The following BACH2 variants were observed in gnomAD, a reference collection of about 807,000 sequenced individuals.
The protein encoded by BACH2 is BACH transcriptional regulator 2, also known as transcription regulator protein BACH2.
Under a neutral mutation model 61.8 loss-of-function variants are expected in BACH2, and 5 were observed. The ratio of observed to expected loss-of-function variants is 0.08; its 90% confidence interval spans 0.04 to 0.17. The LOEUF is 0.17. Among genes scored for constraint, BACH2 ranks in the 10% least tolerant of loss-of-function variants. BACH2 has a pLI of 1.00. For missense variants in BACH2, 824 were observed against 1,091.1 expected, an observed-to-expected ratio of 0.76 and a Z score of 3.45; for synonymous variants, 446 against 440.1, an observed-to-expected ratio of 1.01 and a Z score of -0.17.
intron 5 of BACH2, among the ~76,000 whole-genome samples, chr6:90,041,377 T>A (rs979701872): frequency 6.6e-6 from 1 of 151,840 alleles, no homozygotes; most frequent in Admixed American, 6.6e-5. Context: ...TGAAAATAGA[T>A]GTTGAATTAC....
At chr6:90,063,282 T>TGA (rs1163275808) in intron 5 of BACH2, among the ~76,000 whole-genome samples, 1 of 152,216 alleles carries the variant, frequency 6.6e-6, no homozygotes, top group Non-Finnish European at 1.5e-5. Flanking sequence ...GGTGTGTGTG[T>TGA]GACAGAGATT....
At chr6:90,223,532 G>C (rs966576055) in intron 3 of BACH2, among the ~76,000 whole-genome samples, 3 of 152,094 alleles carry the variant, frequency 2.0e-5, no homozygotes, top group Non-Finnish European at 4.4e-5. Flanking sequence ...GCAGTGGCGT[G>C]ATCTCAGCTC....
At chr6:90,222,439 T>C (rs978997000) in intron 3 of BACH2, among the ~76,000 whole-genome samples, 3 of 152,170 alleles carry the variant, frequency 2.0e-5, no homozygotes, top group Non-Finnish European at 2.9e-5. Context: ...AGAAGATACT[T>C]GTAAAAGGAA....
chr6:90,251,705 A>G (rs1770816587), intron 3 of BACH2, among the ~76,000 whole-genome samples: 1 of 152,192 alleles, frequency 6.6e-6, no homozygotes, highest in Non-Finnish European at 1.5e-5. Context: ...TGAAGATGCA[A>G]CTTTCCCCTC....
chr6:90,172,124 G>C (rs1421722939), intron 4 of BACH2, among the ~76,000 whole-genome samples: 1 of 152,058 alleles, frequency 6.6e-6, no homozygotes, highest in Non-Finnish European at 1.5e-5. Flanking sequence ...TGACCAAAAT[G>C]GGCAAACCCC....
intron 4 of BACH2, among the ~76,000 whole-genome samples, chr6:90,189,602 G>A (rs1459550397): frequency 8.2e-6 from 1 of 121,372 alleles, no homozygotes; most frequent in African/African-American, 3.3e-5. Context: ...GCGACAGAGC[G>A]AGACTCCGTC....
At chr6:90,007,071 AATTATT>A (rs959900856) in intron 6 of BACH2, among the ~76,000 whole-genome samples, 6 of 150,792 alleles carry the variant, frequency 4.0e-5, no homozygotes, top group African/African-American at 7.3e-5. Flanking sequence ...TTAAAATTTT[AATTATT>A]ATTATTATTT....
At chr6:90,114,725 G>T (rs1274211839) in intron 4 of BACH2, among the ~76,000 whole-genome samples, 4 of 152,010 alleles carry the variant, frequency 2.6e-5, no homozygotes, top group Non-Finnish European at 5.9e-5. Flanking sequence ...GAAGTCAAAC[G>T]ATCTCTGTTT....
intron 5 of BACH2, among the ~76,000 whole-genome samples, chr6:90,061,633 G>T (rs1780690325): frequency 6.6e-6 from 1 of 152,040 alleles, no homozygotes; most frequent in African/African-American, 2.4e-5. Context: ...AAAACATAGG[G>T]ACAGACTGAG....
intron 4 of BACH2, among the ~76,000 whole-genome samples, chr6:90,121,585 C>A (rs1337807287): frequency 6.6e-6 from 1 of 152,072 alleles, no homozygotes; most frequent in African/African-American, 2.4e-5. Context: ...CTGTTGTGCC[C>A]AGGCTGGAGT....
At chr6:90,012,474 G>A (rs1283531673) in intron 5 of BACH2, among the ~76,000 whole-genome samples, 3 of 150,980 alleles carry the variant, frequency 2.0e-5, no homozygotes, top group East Asian at 2.0e-4. Flanking sequence ...TACTAAAAAC[G>A]CAAAAATTAG....
chr6:90,150,931 G>C (rs780902909), intron 4 of BACH2, among the ~76,000 whole-genome samples: 7 of 152,130 alleles, frequency 4.6e-5, no homozygotes, highest in Non-Finnish European at 8.8e-5. Context: ...CATTTTCATG[G>C]CCACCACAGT....
At chr6:90,137,323 G>T (rs1784302419) in intron 4 of BACH2, among the ~76,000 whole-genome samples, 4 of 151,872 alleles carry the variant, frequency 2.6e-5, no homozygotes, top group Non-Finnish European at 5.9e-5. Flanking sequence ...TACCTAAACA[G>T]AACTTTCAGA....
At chr6:89,962,780 G>A (rs1295905655) in intron 6 of BACH2, among the ~76,000 whole-genome samples, 2 of 152,138 alleles carry the variant, frequency 1.3e-5, no homozygotes, top group Non-Finnish European at 2.9e-5. Flanking sequence ...AGAAAACATG[G>A]GGGAAAAGCT....
At chr6:90,269,322 A>G (rs1771447429) in intron 2 of BACH2, among the ~76,000 whole-genome samples, 1 of 152,174 alleles carries the variant, frequency 6.6e-6, no homozygotes, top group African/African-American at 2.4e-5. Flanking sequence ...TTGATACACC[A>G]AGTTACAGTT....
At chr6:89,973,181 C>T (rs1775464379) in intron 6 of BACH2, among the ~76,000 whole-genome samples, 1 of 151,902 alleles carries the variant, frequency 6.6e-6, no homozygotes, top group African/African-American at 2.4e-5. Context: ...GGAAGGGGAT[C>T]GTTTGAGCCC....
chr6:90,094,248 C>T (rs1782292189), intron 4 of BACH2, among the ~76,000 whole-genome samples: 1 of 152,156 alleles, frequency 6.6e-6, no homozygotes, highest in South Asian at 2.1e-4. Context: ...CTAGAAGGTA[C>T]TTTTTGTATA....
rs929576291 is a variant in BACH2 at position 90,138,908 on chromosome 6, G to A, written c.-161-49799C>T. Among the ~76,000 whole-genome samples the A allele has an allele frequency of 4.6e-5, 7 of 152,136 alleles. No individual in the cohort carries two copies. In the East Asian group the frequency reaches 5.8e-4, roughly 13 times the overall value. On this transcript the variant is annotated intron_variant, in intron 4 of 8. Coordinates refer to ENST00000257749, the MANE Select transcript of BACH2 (RefSeq NM_021813.4). ...CCACATGGTTTTGTAACAAGAAAGC[G>A]GAATGGGAAGGAGACTGGGGTGAAG...
chr6:90,141,489 G>GTT (rs113693692), intron 4 of BACH2, among the ~76,000 whole-genome samples: 17 of 132,214 alleles, frequency 1.3e-4, no homozygotes, highest in African/African-American at 2.4e-4. Context: ...CCCCGATCCC[G>GTT]TTTTTTTTTT....
Sources: gnomAD v4.1 joint callset for allele counts (sites outside exome capture counted in the v4.1 genomes callset) on GRCh38, gnomAD v4.1.1 for gene constraint, MANE v1.5 for transcripts, NCBI Gene and HGNC (gene_info 2026-07-23, HGNC 2026-07-21) for gene names.